DGKD: variants seen among roughly 807,000 people sequenced by gnomAD.
DGKD encodes diacylglycerol kinase delta.
DGKD carries 68 observed loss-of-function variants against 154.4 expected under a neutral mutation model. The ratio of observed to expected loss-of-function variants is 0.44; its 90% confidence interval spans 0.36 to 0.54. DGKD has a LOEUF of 0.54. DGKD is among the 20% of genes least tolerant of loss of function. DGKD has a pLI of 0.00. For synonymous variants in DGKD, 693 were observed against 638.0 expected, an observed-to-expected ratio of 1.09 and a Z score of -1.30; for missense variants, 1,343 against 1,593.6, an observed-to-expected ratio of 0.84 and a Z score of 2.68.
At chr2:233,378,218 A>G (rs968049898) in intron 1 of DGKD, among the ~76,000 whole-genome samples, 17 of 151,790 alleles carry the variant, frequency 1.1e-4, no homozygotes, top group African/African-American at 4.1e-4. Flanking sequence ...GGTCGAGACT[A>G]GCCTGGGCAA....
intron 3 of DGKD, among the ~76,000 whole-genome samples, chr2:233,422,013 G>A (rs755882179): frequency 1.1e-4 from 17 of 152,186 alleles, no homozygotes; most frequent in Non-Finnish European, 2.4e-4. Flanking sequence ...CTGGTCTCTG[G>A]GAGGCAGTGG....
rs745421126 is a variant in DGKD, at chr2:233,366,040, T to G, written c.156+11366T>G. 2.0e-5 allele frequency among the ~76,000 whole-genome samples: 3 copies of G among 152,114 alleles called. No individual in the cohort carries two copies. In the East Asian group the frequency reaches 5.8e-4, roughly 29 times the overall value. ...GAGGAGGTTGCTGATCAAAGAGGTA[T>G]GCAAAGGCCCTGTGGCAAGAGGGAG... On this transcript the variant is annotated intron_variant, in intron 1 of 29. Transcript: ENST00000264057.
In DGKD at chr2:233,424,428, C is replaced by G. The variant is rs146965017; in HGVS notation, c.349-9952C>G. On this transcript the variant is annotated intron_variant, in intron 3 of 29. Transcript: ENST00000264057. ...ATTTTGAACTCTTGGGAAACCTGGT[C>G]AGAGTGGGAGGGACAACTAGTCAGA... 2.7e-3 allele frequency among the ~76,000 whole-genome samples: 414 copies of G among 152,298 alleles called. 1 individual carries two copies. The highest frequency in any genetic ancestry group is 4.6e-3 in the Non-Finnish European group (315 of 68,026).
rs1041140298 is a variant in DGKD, at chr2:233,355,987, T to C, written c.156+1313T>C. On this transcript the variant is annotated intron_variant, in intron 1 of 29. Coordinates refer to ENST00000264057, the MANE Select transcript of DGKD (RefSeq NM_152879.3). ...TGTGTTGGAACCATGGTCAGGACCGTAAGATGGAAGGCAGTTTCTACACCT... is the reference window on the plus strand; with the variant it reads ...TGTGTTGGAACCATGGTCAGGACCGCAAGATGGAAGGCAGTTTCTACACCT... Among the ~76,000 whole-genome samples, 3 of 152,204 alleles carry C rather than the reference T, an allele frequency of 2.0e-5. No individual in the cohort carries two copies. The East Asian group carries it at 5.8e-4, about 29-fold the overall frequency.
chr2:233,371,761 G>T lies in DGKD; in HGVS notation c.157-16496G>T, dbSNP rs895609688. Reference sequence around the variant, plus strand: ...TTCATTCTTCCTGTGTGGATGTGCAGTTGCTCCAGCACCAGCTGTTGAAGA... The same window carrying T: ...TTCATTCTTCCTGTGTGGATGTGCATTTGCTCCAGCACCAGCTGTTGAAGA... On this transcript the variant is annotated intron_variant, in intron 1 of 29. Coordinates refer to ENST00000264057, the MANE Select transcript of DGKD (RefSeq NM_152879.3). 3.9e-5 allele frequency among the ~76,000 whole-genome samples: 6 copies of T among 152,308 alleles called. No homozygotes were observed. In the South Asian group the frequency reaches 8.3e-4, roughly 21 times the overall value.
chr2:233,384,930 T>G (rs1316449917), intron 1 of DGKD, among the ~76,000 whole-genome samples: 1 of 152,140 alleles, frequency 6.6e-6, no homozygotes, highest in East Asian at 1.9e-4. Context: ...TATGGGGCAT[T>G]GCTCACTGCC....
At chr2:233,385,094 G>T (rs1703101989) in intron 1 of DGKD, among the ~76,000 whole-genome samples, 1 of 152,142 alleles carries the variant, frequency 6.6e-6, no homozygotes, top group Non-Finnish European at 1.5e-5. Context: ...CCTGTGCTTG[G>T]GCCTGCTAGT....
chr2:233,413,410 T>TA (rs1484460369), intron 3 of DGKD, among the ~76,000 whole-genome samples: 5 of 152,072 alleles, frequency 3.3e-5, no homozygotes, highest in Admixed American at 6.6e-5. Flanking sequence ...TTTTTTTTTT[T>TA]AATGTTCAGA....
At position 233,469,384 on chromosome 2, in the gene DGKD, C is replaced by T; in HGVS notation, c.3569C>T (p.Thr1190Ile). Residue 1190 changes from threonine (T) to isoleucine (I), a missense_variant, in exon 30 of 30, where the codon ACC (threonine) becomes ATC (isoleucine). Physicochemically the swap from Thr to Ile is moderately conservative, Grantham distance 89. Around this residue, in one of 6 missense-constraint regions of DGKD, gnomAD observed 429 missense variants for 496.3 expected, o/e 0.86. Coordinates refer to ENST00000264057, the MANE Select transcript of DGKD (RefSeq NM_152879.3). ...TCTCTGTTGCAGGACCTGGGCGTGA[C>T]CAAGGTGGGCCACATGAAGAGGATC... ...ERRDLKDLGV[T>I]KVGHMKRILC... 1 of 1,612,166 alleles carries T rather than the reference C, an allele frequency of 6.2e-7. No individual in the cohort carries two copies.
chr2:233,423,590 A>T lies in DGKD; in HGVS notation c.349-10790A>T, dbSNP rs182613502. On this transcript the variant is annotated intron_variant, in intron 3 of 29. Coordinates refer to ENST00000264057, the MANE Select transcript of DGKD (RefSeq NM_152879.3). ...AGGACTCATTTCCAGGTGGTATAGG[A>T]GACATCCCGGCTCTCAGCTTGGCCT... is the stretch of plus-strand genomic sequence containing the variant. Among the ~76,000 whole-genome samples, 83 of 152,164 alleles carry T rather than the reference A, an allele frequency of 5.5e-4. No homozygotes were observed. In the South Asian group the frequency reaches 8.3e-3, roughly 15 times the overall value.
Position 233,457,006 on chromosome 2 carries a change from G to A in DGKD, c.2472+11G>A. 6.2e-7 allele frequency: 1 copy of A among 1,607,196 alleles called. No individual in the cohort carries two copies. ...AAGGTCTTGCTGGAGGTGAGTGGGA[G>A]GGTCCTTGTCACCTGCAGGCTGGCC... On this transcript the variant is annotated intron_variant, in intron 20 of 29. Transcript: ENST00000264057. This position sits in a 1 kb window ranked among gnomAD's most constrained non-coding sequence, Gnocchi z 5.5.
chr2:233,373,253 C>T (rs907684484), intron 1 of DGKD, among the ~76,000 whole-genome samples: 3 of 152,112 alleles, frequency 2.0e-5, no homozygotes, highest in African/African-American at 7.2e-5. Flanking sequence ...TTACAGAATG[C>T]GTTTCAGCAG....
intron 25 of DGKD, 29 bp from the exon 26 acceptor site, chr2:233,462,614 C>T (rs750502386): frequency 1.9e-6 from 3 of 1,602,888 alleles, no homozygotes; most frequent in Non-Finnish European, 2.6e-6. Flanking sequence ...GCCCCCCGCC[C>T]CCATGCATAT....
At chr2:233,397,340 G>C (rs577855793) in intron 3 of DGKD, among the ~76,000 whole-genome samples, 1 of 121,706 alleles carries the variant, frequency 8.2e-6, no homozygotes, top group East Asian at 2.6e-4. Context: ...GAGGGGACCA[G>C]GGTGGCTGAG....
chr2:233,462,934 T>C (rs553044932), intron 26 of DGKD, among the ~76,000 whole-genome samples, 199 bp downstream of exon 26: 1 of 152,330 alleles, frequency 6.6e-6, no homozygotes, highest in African/African-American at 2.4e-5. Flanking sequence ...GTCTCAAGCA[T>C]GCGAGAAGCG....
intron 17 of DGKD, 139 bp from the exon 18 acceptor site, chr2:233,451,825 A>G (rs1024367149): frequency 1.4e-6 from 1 of 712,292 alleles, no homozygotes; most frequent in Admixed American, 3.0e-5. Context: ...AAATTTGGAC[A>G]TGGTTATACA....
At chr2:233,447,866 CAGCTTG>C in intron 12 of DGKD, 1 of 1,380,446 alleles carries the variant, frequency 7.2e-7, no homozygotes, top group Non-Finnish European at 9.4e-7. Flanking sequence ...AGTTTGCCTG[CAGCTTG>C]ACGAAGCTTT....
rs549200078 is a variant in DGKD at position 233,444,997 on chromosome 2, C to G, written c.1195-626C>G. Among the ~76,000 whole-genome samples, 173 of 152,136 alleles carry G rather than the reference C, an allele frequency of 1.1e-3. 1 individual carries two copies. Among genetic ancestry groups the G allele is most frequent in the Non-Finnish European group, 1.2e-3 (83 of 68,000 alleles). ...GGTGTAGTGGGATCTCATTGGAGCT[C>G]TGAAATGGGAATCCAGGTGGAGGGT... On this transcript the variant is annotated intron_variant, in intron 10 of 29. Transcript: ENST00000264057.
chr2:233,467,961 C>G lies in DGKD; in HGVS notation c.3425-462C>G, dbSNP rs180852738. Among the ~76,000 whole-genome samples the G allele has an allele frequency of 5.5e-3, 843 of 152,260 alleles. 10 individuals carry two copies. The highest frequency in any genetic ancestry group is 0.019 in the African/African-American group (786 of 41,538). On this transcript the variant is annotated intron_variant, in intron 28 of 29. Transcript: ENST00000264057. Reference sequence around the variant, plus strand: ...AAGTGAAATTTAACCCTTCTAGAAGCTGGAGGAAAAGCTGGCTTTGGCCAC... The same window carrying G: ...AAGTGAAATTTAACCCTTCTAGAAGGTGGAGGAAAAGCTGGCTTTGGCCAC...
Sources: allele counts gnomAD v4.1 joint callset (sites outside exome capture counted in the v4.1 genomes callset), GRCh38; gene constraint gnomAD v4.1.1; regional missense constraint gnomAD v4.1.1; non-coding constraint Gnocchi (gnomAD v3.1); transcripts MANE v1.5; gene names NCBI Gene and HGNC (gene_info 2026-07-23, HGNC 2026-07-21).